The following REPS2 variants were observed in gnomAD, a reference collection of about 807,000 sequenced individuals.
REPS2 encodes ralBP1-associated Eps domain-containing protein 2.
In REPS2, 23 loss-of-function variants were observed where a neutral mutation model predicts 53.6. The ratio of observed to expected loss-of-function variants is 0.43; its 90% CI spans 0.31 to 0.61. The LOEUF (loss-of-function observed/expected upper bound fraction) is 0.61, where lower values mean the gene tolerates loss of function less well. Among genes scored for constraint, REPS2 ranks in the 20% least tolerant of loss-of-function variants. REPS2 has a pLI of 0.11. For missense variants in REPS2, 446 were observed against 534.9 expected (o/e 0.83, Z 1.64); for synonymous variants, 238 against 218.6 (o/e 1.09, Z -0.78).
intron 1 of REPS2, 81 bp from the exon 2 acceptor site, chrX:17,006,140 T>C (rs1443736886): frequency 4.5e-6 from 5 of 1,105,519 alleles, no homozygotes; most frequent in East Asian, 6.2e-5. Flanking sequence ...GGTGAAATCC[T>C]TGATATTTCA....
chrX:17,140,443 G>T (rs752760165), intron 17 of REPS2, among the ~76,000 whole-genome samples: 1 of 110,198 alleles, frequency 9.1e-6, no homozygotes, highest in African/African-American at 3.3e-5. Context: ...CAATATTTTA[G>T]TATGAAAATT....
intron 14 of REPS2, among the ~76,000 whole-genome samples, chrX:17,107,517 A>G (rs2062890783): frequency 8.9e-6 from 1 of 112,341 alleles, no homozygotes; most frequent in Non-Finnish European, 1.9e-5. Flanking sequence ...CATACACCAA[A>G]AGCATATATT....
At chrX:16,953,792 T>G (rs765222304) in intron 1 of REPS2, among the ~76,000 whole-genome samples, 5 of 111,640 alleles carry the variant, frequency 4.5e-5, no homozygotes, top group Non-Finnish European at 7.5e-5. Flanking sequence ...GTAGGTGGCA[T>G]TTTTCCTTAT....
intron 2 of REPS2, among the ~76,000 whole-genome samples, chrX:17,017,224 G>A (rs190276507): frequency 9.0e-6 from 1 of 111,621 alleles, no homozygotes; most frequent in African/African-American, 3.3e-5. Context: ...TACCTACCTC[G>A]GCCTCCCAAA....
chrX:17,117,578 T>C (rs2063073247), intron 14 of REPS2, among the ~76,000 whole-genome samples: 1 of 111,318 alleles, frequency 9.0e-6, no homozygotes, highest in African/African-American at 3.3e-5. Context: ...AACAGCTTCA[T>C]CCATGTCCCT....
intron 2 of REPS2, among the ~76,000 whole-genome samples, chrX:17,009,498 C>G (rs2147807436): frequency 9.0e-6 from 1 of 111,061 alleles, no homozygotes; most frequent in Admixed American, 9.6e-5. Context: ...GTGATCACGG[C>G]TTGTTACAGC....
At position 17,060,576 on chromosome X, in the gene REPS2, G is replaced by A. The variant is rs1318372976; in HGVS notation, c.1115-1862G>A. ...GATCTTAGGGAAGATTTCCTTAAAC[G>A]TTTGGGCTGAGATGTGAAGGCTGAG... On this transcript the variant is annotated intron_variant, in intron 8 of 17. Coordinates refer to ENST00000357277, the MANE Select transcript of REPS2 (RefSeq NM_004726.3). Among the ~76,000 whole-genome samples, 3 of 110,523 alleles carry A rather than the reference G, an allele frequency of 2.7e-5. No homozygotes were observed. In the Admixed American group the frequency reaches 2.9e-4, roughly 11 times the overall value.
At chrX:17,050,612 T>C (rs1420482132) in intron 6 of REPS2, among the ~76,000 whole-genome samples, 1 of 111,676 alleles carries the variant, frequency 9.0e-6, no homozygotes, top group African/African-American at 3.3e-5. Flanking sequence ...CACCTCATGA[T>C]GCATTTCTCA....
At chrX:17,090,664 A>T (rs2062603382) in intron 13 of REPS2, among the ~76,000 whole-genome samples, 1 of 112,388 alleles carries the variant, frequency 8.9e-6, no homozygotes, top group Non-Finnish European at 1.9e-5. Flanking sequence ...ATGATTTGCA[A>T]ATATTTTCCA....
intron 5 of REPS2, among the ~76,000 whole-genome samples, chrX:17,032,540 A>T (rs1270970127): frequency 9.0e-6 from 1 of 111,449 alleles, no homozygotes; most frequent in Non-Finnish European, 1.9e-5. Context: ...AGATGAGGGG[A>T]TTTGAAGTGA....
At chrX:16,947,547 G>T (rs1444263234) in intron 1 of REPS2, among the ~76,000 whole-genome samples, 1 of 111,876 alleles carries the variant, frequency 8.9e-6, no homozygotes, top group African/African-American at 3.3e-5. Flanking sequence ...TGCCTTGCTG[G>T]GATTTCAACT....
chrX:17,187,255 G>A, the REPS2 span, among the ~76,000 whole-genome samples: 4 of 111,144 alleles, frequency 3.6e-5, no homozygotes, highest in Non-Finnish European at 7.5e-5. Flanking sequence ...ATGGGAGGAC[G>A]GCTCTGCAGA....
intron 5 of REPS2, among the ~76,000 whole-genome samples, chrX:17,045,095 A>G (rs953065025): frequency 2.8e-5 from 3 of 106,104 alleles, no homozygotes; most frequent in Non-Finnish European, 6.0e-5. Context: ...ACACCTGGCT[A>G]ATTTTTTGTA....
intron 1 of REPS2, among the ~76,000 whole-genome samples, chrX:17,003,005 C>T (rs1299199963): frequency 2.7e-5 from 3 of 112,044 alleles, no homozygotes; most frequent in Non-Finnish European, 5.6e-5. Context: ...TCTGATGCAA[C>T]AGGCTGTGAA....
chrX:17,014,734 T>A (rs892893145), intron 2 of REPS2, among the ~76,000 whole-genome samples: 3 of 112,279 alleles, frequency 2.7e-5, no homozygotes, highest in Non-Finnish European at 5.6e-5. Context: ...GAGTCAAGAA[T>A]TTTTGTTACG....
the REPS2 span, among the ~76,000 whole-genome samples, chrX:17,193,397 G>A: frequency 0.13 from 14,292 of 110,918 alleles, 723 homozygotes; most frequent in Admixed American, 0.18. Flanking sequence ...TGGTTTGAGG[G>A]ATGTGGAATG....
chrX:17,112,272 G>C (rs1447894117), intron 14 of REPS2, among the ~76,000 whole-genome samples: 4 of 111,612 alleles, frequency 3.6e-5, no homozygotes, highest in African/African-American at 1.3e-4. Context: ...AACAGACTTT[G>C]AAAGGTTTAA....
chrX:17,050,578 G>T, intron 6 of REPS2, among the ~76,000 whole-genome samples: 1 of 111,417 alleles, frequency 9.0e-6, no homozygotes, highest in East Asian at 2.8e-4. Flanking sequence ...AGTACACCCT[G>T]TGCTGTTCGC....
Position 17,147,526 on chromosome X carries a change from A to T in REPS2, c.*45A>T. On this transcript the variant is annotated 3_prime_UTR_variant, in exon 18 of 18. Transcript: ENST00000357277. ...ACAGTGGGTGACCTTGTCTGCCAAG[A>T]TCTTTCTTTTGAATGTTTTGAACCC... 1.9e-6 allele frequency: 2 copies of T among 1,044,142 alleles called. No homozygotes were observed. The highest frequency in any genetic ancestry group is 2.6e-6 in the Non-Finnish European group (2 of 758,941). 86.0% of individuals were successfully genotyped at this position (1,044,142 alleles called of 1,213,427 possible).
Sources: allele counts gnomAD v4.1 joint callset (sites outside exome capture counted in the v4.1 genomes callset), GRCh38; gene constraint gnomAD v4.1.1; transcripts MANE v1.5; gene names NCBI Gene and HGNC (gene_info 2026-07-23, HGNC 2026-07-21).